KCNAB1: variants seen among roughly 807,000 people sequenced by gnomAD.
The protein encoded by KCNAB1 is voltage-gated potassium channel subunit beta-1.
In KCNAB1, 35 loss-of-function variants were observed where a neutral mutation model predicts 64.6. The observed-to-expected ratio is 0.54, with a 90% CI of 0.41 to 0.72. The LOEUF (loss-of-function observed/expected upper bound fraction) is 0.72. KCNAB1 is among the 30% of genes least tolerant of loss of function. KCNAB1 has a pLI of 0.00. For synonymous variants in KCNAB1, 177 were observed against 183.8 expected (o/e 0.96, Z 0.30); for missense variants, 401 against 512.9 (o/e 0.78, Z 2.11).
intron 1 of KCNAB1, among the ~76,000 whole-genome samples, chr3:156,370,852 C>G (rs113678221): frequency 9.6e-4 from 146 of 152,326 alleles, no homozygotes; most frequent in African/African-American, 3.4e-3. Flanking sequence ...GGTAGGAGAA[C>G]CGCCTTACAC....
chr3:156,467,871 G>C (rs1315535817), intron 7 of KCNAB1, among the ~76,000 whole-genome samples: 1 of 151,940 alleles, frequency 6.6e-6, no homozygotes, highest in Non-Finnish European at 1.5e-5. Context: ...TAGATGAGCT[G>C]GTCTTATTTA....
chr3:156,242,540 C>G (rs985552347), intron 1 of KCNAB1, among the ~76,000 whole-genome samples: 4 of 151,974 alleles, frequency 2.6e-5, no homozygotes, highest in Non-Finnish European at 5.9e-5. Flanking sequence ...CTCTTTTATA[C>G]ACTTTTTTTT....
At chr3:156,388,130 G>A (rs562143049) in intron 1 of KCNAB1, among the ~76,000 whole-genome samples, 5 of 152,280 alleles carry the variant, frequency 3.3e-5, no homozygotes, top group South Asian at 2.1e-4. Flanking sequence ...GAGGCATCAC[G>A]GATCACCTGG....
chr3:156,538,664 A>AACAT (rs563783832), downstream of KCNAB1: 41 of 152,372 alleles, frequency 2.7e-4, no homozygotes, highest in African/African-American at 9.9e-4. Flanking sequence ...ATATATGTAA[A>AACAT]ACATACACAT....
intron 1 of KCNAB1, among the ~76,000 whole-genome samples, chr3:156,207,503 C>CTG (rs1714744102): frequency 6.6e-6 from 1 of 152,308 alleles, no homozygotes; most frequent in African/African-American, 2.4e-5. Flanking sequence ...CTCATTTGAA[C>CTG]TGCCTAATTT....
chr3:156,307,366 C>CTT (rs34577217), intron 1 of KCNAB1, among the ~76,000 whole-genome samples: 22 of 148,316 alleles, frequency 1.5e-4, no homozygotes, highest in African/African-American at 5.2e-4. Context: ...TTCTTTTCAT[C>CTT]TTTTTTTTTT....
intron 13 of KCNAB1, among the ~76,000 whole-genome samples, chr3:156,535,340 CAG>C (rs1344357293): frequency 2.6e-5 from 4 of 152,212 alleles, no homozygotes; most frequent in African/African-American, 9.7e-5. Context: ...AGTCTCCACA[CAG>C]GGTCAGACTT....
intron 1 of KCNAB1, among the ~76,000 whole-genome samples, chr3:156,231,709 T>G (rs1381095174): frequency 6.6e-6 from 1 of 152,064 alleles, no homozygotes; most frequent in African/African-American, 2.4e-5. Flanking sequence ...ATCCTTTGCC[T>G]TAACCAGAAC....
chr3:156,423,233 A>G (rs1715582697), intron 2 of KCNAB1, among the ~76,000 whole-genome samples: 1 of 152,232 alleles, frequency 6.6e-6, no homozygotes, highest in Non-Finnish European at 1.5e-5. Context: ...GGAAGAAATG[A>G]CCACATATTT....
At chr3:156,208,982 T>G (rs1243853626) in intron 1 of KCNAB1, among the ~76,000 whole-genome samples, 1 of 152,236 alleles carries the variant, frequency 6.6e-6, no homozygotes, top group East Asian at 1.9e-4. Flanking sequence ...CAGGTATTTT[T>G]CCAGCCCCGC....
At chr3:156,232,821 C>A (rs1716613248) in intron 1 of KCNAB1, among the ~76,000 whole-genome samples, 1 of 152,128 alleles carries the variant, frequency 6.6e-6, no homozygotes, top group Admixed American at 6.6e-5. Context: ...GCCTTAGTCA[C>A]CATTCTAAAA....
chr3:156,354,977 T>A (rs1725136513), intron 1 of KCNAB1, among the ~76,000 whole-genome samples: 1 of 152,356 alleles, frequency 6.6e-6, no homozygotes, highest in African/African-American at 2.4e-5. Flanking sequence ...GCTTGGTTAT[T>A]ATTCATTTAT....
intron 7 of KCNAB1, among the ~76,000 whole-genome samples, chr3:156,466,237 T>C (rs1044396082): frequency 3.3e-5 from 5 of 152,172 alleles, no homozygotes; most frequent in African/African-American, 4.8e-5. Flanking sequence ...TCTCATGATA[T>C]ATGATATTTT....
chr3:156,285,974 A>G (rs762261747), intron 1 of KCNAB1, among the ~76,000 whole-genome samples: 1 of 152,226 alleles, frequency 6.6e-6, no homozygotes, highest in African/African-American at 2.4e-5. Flanking sequence ...AAGCACACCT[A>G]TCCTTTGATT....
chr3:156,441,575 A>G (rs1717003544), intron 2 of KCNAB1: 2 of 152,186 alleles, frequency 1.3e-5, no homozygotes, highest in African/African-American at 4.8e-5. Context: ...GAAGATATTG[A>G]AAATATTTAA....
At chr3:156,430,087 CAAAA>C (rs1269885024) in intron 2 of KCNAB1, among the ~76,000 whole-genome samples, 1 of 152,124 alleles carries the variant, frequency 6.6e-6, no homozygotes, top group Middle Eastern at 3.2e-3. Context: ...GAATTGCTGA[CAAAA>C]AGAAAGAAAG....
At chr3:156,167,787 T>C (rs1279748100) in intron 1 of KCNAB1, among the ~76,000 whole-genome samples, 1 of 152,182 alleles carries the variant, frequency 6.6e-6, no homozygotes, top group South Asian at 2.1e-4. Flanking sequence ...AAAACTGTGC[T>C]TTAGTTCTAG....
At chr3:156,379,903 G>C (rs770157618) in intron 1 of KCNAB1, among the ~76,000 whole-genome samples, 4 of 152,196 alleles carry the variant, frequency 2.6e-5, no homozygotes, top group Non-Finnish European at 5.9e-5. Context: ...TAAAGGTAGA[G>C]TAGACGAGAT....
chr3:156,326,910 C>T (rs1354793934), intron 1 of KCNAB1, among the ~76,000 whole-genome samples: 2 of 152,030 alleles, frequency 1.3e-5, no homozygotes, highest in African/African-American at 2.4e-5. Flanking sequence ...TTTTTGTCTT[C>T]TCCCATTAGA....
Sources: allele counts gnomAD v4.1 joint callset (sites outside exome capture counted in the v4.1 genomes callset), GRCh38; gene constraint gnomAD v4.1.1; transcripts MANE v1.5; gene names NCBI Gene and HGNC (gene_info 2026-07-23, HGNC 2026-07-21).